Variants in WDPCP observed in about 807,000 individuals in gnomAD.
WDPCP encodes WD repeat-containing and planar cell polarity effector protein fritz homolog.
WDPCP carries 71 observed loss-of-function variants against 93.1 expected under a neutral mutation model. The observed-to-expected ratio is 0.76, with a 90% CI of 0.63 to 0.93. WDPCP has a LOEUF of 0.93. Among genes scored for constraint, WDPCP ranks in the 40% least tolerant of loss-of-function variants. The pLI is 0.00. For synonymous variants in WDPCP, 315 were observed against 315.0 expected (o/e 1.00, Z 0.00); for missense variants, 844 against 887.4 (o/e 0.95, Z 0.62).
intron 12 of WDPCP, among the ~76,000 whole-genome samples, chr2:63,324,498 C>G (rs546329370): frequency 1.3e-5 from 2 of 152,278 alleles, no homozygotes; most frequent in Non-Finnish European, 2.9e-5. Context: ...TAAAGCAGAT[C>G]AAGGCAGACC....
At chr2:63,539,352 C>A (rs989644491) in intron 1 of WDPCP, among the ~76,000 whole-genome samples, 5 of 152,114 alleles carry the variant, frequency 3.3e-5, no homozygotes, top group Non-Finnish European at 5.9e-5. Flanking sequence ...GCCAATGCTT[C>A]TGTAACATGT....
chr2:63,527,730 T>C (rs1703458921), intron 1 of WDPCP, among the ~76,000 whole-genome samples: 1 of 152,086 alleles, frequency 6.6e-6, no homozygotes, highest in African/African-American at 2.4e-5. Flanking sequence ...TTTGGGTATA[T>C]GCCCAGTAAT....
intron 13 of WDPCP, among the ~76,000 whole-genome samples, chr2:63,286,638 G>A (rs1684024077): frequency 6.6e-6 from 1 of 152,064 alleles, no homozygotes; most frequent in Non-Finnish European, 1.5e-5. Context: ...AAGCCTGTTT[G>A]GTGGTCTCTT....
At chr2:63,721,519 T>C (rs1669412199) in intron 2 of WDPCP, among the ~76,000 whole-genome samples, 1 of 152,182 alleles carries the variant, frequency 6.6e-6, no homozygotes, top group Non-Finnish European at 1.5e-5. Context: ...CACAGAGCAG[T>C]CAGAGTGTCT....
rs537609563 is a variant in WDPCP at position 63,621,983 on chromosome 2, C to T, written n.488+28676G>A. On this transcript the variant is annotated intron_variant and non_coding_transcript_variant, in intron 3 of 4. Coordinates refer to the WDPCP transcript ENST00000467687. ...TACTGGTGCACTGCACCCACTAACTCGTCATCTAGCATTAGGTATATCTCC... is the reference window on the plus strand; with the variant it reads ...TACTGGTGCACTGCACCCACTAACTTGTCATCTAGCATTAGGTATATCTCC... Among the ~76,000 whole-genome samples the T allele has an allele frequency of 8.4e-4, 128 of 151,580 alleles. 1 individual carries two copies. The South Asian group carries it at 9.4e-3, about 11-fold the overall frequency.
intron 2 of WDPCP, among the ~76,000 whole-genome samples, chr2:63,728,931 A>G (rs1364883951): frequency 6.6e-6 from 1 of 152,122 alleles, no homozygotes; most frequent in Non-Finnish European, 1.5e-5. Context: ...AGAGTTACGT[A>G]TTTCTAACAA....
chr2:63,474,084 G>A (rs138325928), intron 6 of WDPCP, among the ~76,000 whole-genome samples: 1 of 152,064 alleles, frequency 6.6e-6, no homozygotes, highest in African/African-American at 2.4e-5. Context: ...ATGAAAATGA[G>A]TTAATATTTA....
At chr2:63,314,918 T>C (rs1686518108) in intron 12 of WDPCP, among the ~76,000 whole-genome samples, 2 of 152,100 alleles carry the variant, frequency 1.3e-5, no homozygotes, top group Admixed American at 1.3e-4. Flanking sequence ...TTAAGGGGGA[T>C]AAGTTAGGAT....
At chr2:63,708,836 T>C (rs542651840) in intron 2 of WDPCP, among the ~76,000 whole-genome samples, 6 of 151,868 alleles carry the variant, frequency 4.0e-5, no homozygotes. Flanking sequence ...GGTCTGGATC[T>C]CCTGACCTCA....
chr2:63,502,205 A>AT (rs1214453619), intron 1 of WDPCP, among the ~76,000 whole-genome samples: 1 of 152,174 alleles, frequency 6.6e-6, no homozygotes, highest in Non-Finnish European at 1.5e-5. Context: ...ACACCACATC[A>AT]TGGATACTCT....
At chr2:63,253,762 A>G (rs1321535947) in intron 14 of WDPCP, among the ~76,000 whole-genome samples, 1 of 152,202 alleles carries the variant, frequency 6.6e-6, no homozygotes, top group Non-Finnish European at 1.5e-5. Context: ...TTGTGGAGAA[A>G]AGGGAATGCT....
chr2:63,192,071 A>T lies in WDPCP; in HGVS notation c.1916-17239T>A, dbSNP rs13399400. ...AAAAGCTCTCCTTACCCCCCTTTAA[A>T]TTTTTTCCTTTTCTTGTCTCTTTCA... On this transcript the variant is annotated intron_variant, in intron 14 of 17. Coordinates refer to ENST00000272321, the MANE Select transcript of WDPCP (RefSeq NM_015910.7). Among the ~76,000 whole-genome samples, 133 of 152,020 alleles carry T rather than the reference A, an allele frequency of 8.7e-4. No individual in the cohort carries two copies. The Middle Eastern group carries it at 0.01, about 12-fold the overall frequency.
At chr2:63,245,014 T>C (rs772334722) in intron 14 of WDPCP, among the ~76,000 whole-genome samples, 4 of 152,150 alleles carry the variant, frequency 2.6e-5, no homozygotes, top group East Asian at 1.9e-4. Context: ...AGTGCCAATA[T>C]TGATGGCATA....
chr2:63,581,772 T>C (rs1228878434), intron 1 of WDPCP, among the ~76,000 whole-genome samples: 2 of 152,102 alleles, frequency 1.3e-5, no homozygotes, highest in Non-Finnish European at 2.9e-5. Context: ...TTTGGGAGGC[T>C]GAGACGGGTG....
intron 2 of WDPCP, among the ~76,000 whole-genome samples, chr2:63,680,617 T>C (rs1710479124): frequency 1.3e-5 from 2 of 152,118 alleles, no homozygotes; most frequent in East Asian, 1.9e-4. Flanking sequence ...TGAAAGGCTA[T>C]CTAGGCCACA....
intron 14 of WDPCP, among the ~76,000 whole-genome samples, chr2:63,244,546 C>A (rs1297130952): frequency 6.6e-6 from 1 of 152,056 alleles, no homozygotes; most frequent in Non-Finnish European, 1.5e-5. Context: ...TACAACTGAT[C>A]CCATAAAAAT....
At chr2:63,363,826 T>A (rs1175803120) in intron 12 of WDPCP, among the ~76,000 whole-genome samples, 1 of 152,186 alleles carries the variant, frequency 6.6e-6, no homozygotes, top group Admixed American at 6.5e-5. Context: ...TCCATTTCTC[T>A]TTCCTCCAAA....
chr2:63,482,666 T>C (rs1337177192), intron 6 of WDPCP, among the ~76,000 whole-genome samples: 2 of 151,926 alleles, frequency 1.3e-5, no homozygotes, highest in African/African-American at 2.4e-5. Flanking sequence ...AGTGAAGGGA[T>C]AATGTTAGGA....
At chr2:63,345,848 C>A (rs193218971) in intron 12 of WDPCP, among the ~76,000 whole-genome samples, 2 of 152,264 alleles carry the variant, frequency 1.3e-5, no homozygotes, top group Non-Finnish European at 2.9e-5. Context: ...TACCTACTCC[C>A]CTCTCTCAGG....
Sources: gnomAD v4.1 joint callset for allele counts (sites outside exome capture counted in the v4.1 genomes callset) on GRCh38, gnomAD v4.1.1 for gene constraint, MANE v1.5 for transcripts, NCBI Gene and HGNC (gene_info 2026-07-23, HGNC 2026-07-21) for gene names.